The following NXF1 variants were observed in gnomAD, a reference collection of about 807,000 sequenced individuals.
NXF1 encodes mRNA export factor TAP.
In NXF1, 43 loss-of-function variants were observed where a neutral mutation model predicts 92.4. The observed-to-expected ratio is 0.47, with a 90% confidence interval of 0.36 to 0.60. The LOEUF (loss-of-function observed/expected upper bound fraction) is 0.60, where lower values mean the gene tolerates loss of function less well. Among genes scored for constraint, NXF1 ranks in the 20% least tolerant of loss-of-function variants. NXF1 has a pLI of 0.00. For synonymous variants in NXF1, 288 were observed against 292.2 expected (o/e 0.99, Z 0.15); for missense variants, 576 against 793.0 (o/e 0.73, Z 3.29).
In NXF1 at chr11:62,800,377, C is replaced by G; in HGVS notation, c.1016G>C (p.Ser339Thr). 6.2e-7 allele frequency: 1 copy of G among 1,614,070 alleles called. No individual in the cohort carries two copies. The highest frequency in any genetic ancestry group is 8.5e-7 in the Non-Finnish European group (1 of 1,179,972). The change falls in exon 10 of 21, where the codon AGC (serine) becomes ACC (threonine). Residue 339 changes from serine to threonine, a missense_variant and splice_region_variant. This residue lies in a region of NXF1 where 425 missense variants were observed against 635.2 expected (regional missense o/e 0.67). Coordinates refer to ENST00000294172, the MANE Select transcript of NXF1 (RefSeq NM_006362.5). ...AGGGGAGACACAGGCTACAACTGAC[C>G]TGATGTAGGTGGACTGGTCTCGGAA... ...DTFRDQSTYI[S>T]AIRERFPKLL...
chr11:62,803,322 A>G (rs1262648495), intron 3 of NXF1, 97 bp downstream of exon 3: 2 of 1,053,562 alleles, frequency 1.9e-6, no homozygotes, highest in Non-Finnish European at 2.7e-6. Context: ...TTTAAAAAAA[A>G]TAATAATAAT....
chr11:62,797,078 A>C, intron 13 of NXF1, 105 bp downstream of exon 13: 5 of 1,094,840 alleles, frequency 4.6e-6, no homozygotes, highest in Admixed American at 2.3e-5. Flanking sequence ...AAAAAAAAAA[A>C]AAAAACAAAA....
At chr11:62,799,812 G>C in intron 10 of NXF1, 2 of 986,184 alleles carry the variant, frequency 2.0e-6, no homozygotes, top group Non-Finnish European at 2.4e-6. Flanking sequence ...CTGGGCAAGA[G>C]AGACAGATTG....
chr11:62,800,280 C>A (rs745675525), intron 10 of NXF1, 97 bp downstream of exon 10: 12 of 1,578,426 alleles, frequency 7.6e-6, no homozygotes, highest in Non-Finnish European at 8.6e-6. Context: ...CAGCTCAGGG[C>A]TGCACATCTC....
At chr11:62,801,702 G>A in intron 6 of NXF1, 37 bp downstream of exon 6, 1 of 1,609,772 alleles carries the variant, frequency 6.2e-7, no homozygotes, top group Non-Finnish European at 8.5e-7. Context: ...GAAGTAGTAA[G>A]ACTGGGTTGG....
chr11:62,794,803 C>T, intron 18 of NXF1, 132 bp downstream of exon 18: 1 of 808,736 alleles, frequency 1.2e-6, no homozygotes, highest in East Asian at 2.6e-5. Context: ...TGGCTCTTAA[C>T]TACTATGTGA....
intron 2 of NXF1, 51 bp from the exon 3 acceptor site, chr11:62,803,623 C>T (rs1372327932): frequency 1.2e-6 from 2 of 1,606,144 alleles, no homozygotes; most frequent in East Asian, 4.5e-5. Context: ...AAAGTCTTCT[C>T]AAAGGCCTTC....
At chr11:62,798,692 C>A in intron 10 of NXF1, 117 bp from the exon 11 acceptor site, 1 of 1,539,984 alleles carries the variant, frequency 6.5e-7, no homozygotes, top group South Asian at 1.2e-5. Flanking sequence ...CTCATCCCTC[C>A]ACTCCCTCCC....
chr11:62,796,394 C>T, intron 14 of NXF1, 49 bp from the exon 15 acceptor site: 1 of 1,613,002 alleles, frequency 6.2e-7, no homozygotes. Context: ...GTGCTGCCAG[C>T]AGGTGTGCCC....
Position 62,800,101 on chromosome 11 carries a change from G to A in NXF1, c.1016+276C>T, listed in dbSNP as rs1035540673. On this transcript the variant is annotated intron_variant, in intron 10 of 20. Transcript: ENST00000294172. ...GGAGATGCCTTTCCTGGAACAACAG[G>A]GTAGGGAGATTCTAGAAAAGGTTGT... 7 of 1,308,008 alleles carry A rather than the reference G, an allele frequency of 5.4e-6. 1 individual carries two copies. In the Middle Eastern group the frequency reaches 1.5e-3, roughly 277 times the overall value. 81.0% of individuals were successfully genotyped at this position (1,308,008 alleles called of 1,614,324 possible). A position where few individuals can be genotyped will look rare whatever the true frequency, so the allele number is the denominator to read the frequency against.
At chr11:62,798,424 C>A (rs2084443194) in intron 11 of NXF1, 115 bp downstream of exon 11, 2 of 1,436,652 alleles carry the variant, frequency 1.4e-6, no homozygotes. Context: ...ACGAGTGAAA[C>A]TCCGTCTCAA....
At position 62,796,139 on chromosome 11, in the gene NXF1, A is replaced by G; in HGVS notation, c.1388T>C (p.Val463Ala). The change falls in exon 16 of 21, where the codon GTT becomes GCT. Residue 463 changes from valine (V) to alanine (A), a missense_variant. Physicochemically the swap from Val to Ala is moderately conservative, Grantham distance 64. Coordinates refer to ENST00000294172, the MANE Select transcript of NXF1 (RefSeq NM_006362.5). ...RLLKHTRLNV[V>A]AFLNELPKTQ... Reference sequence around the variant, plus strand: ...TTTGGGCAACTCATTGAGGAAGGCAACAACGTTGAGACGCGTGTGCTTCAG... The same window carrying G: ...TTTGGGCAACTCATTGAGGAAGGCAGCAACGTTGAGACGCGTGTGCTTCAG... 1 of 1,614,146 alleles carries G rather than the reference A, an allele frequency of 6.2e-7. No individual in the cohort carries two copies. Among genetic ancestry groups the G allele is most frequent in the Non-Finnish European group, 8.5e-7 (1 of 1,180,024 alleles).
At chr11:62,797,026 C>T (rs540870744) in intron 13 of NXF1, 157 bp downstream of exon 13, 18 of 670,472 alleles carry the variant, frequency 2.7e-5, no homozygotes, top group Non-Finnish European at 4.0e-5. Flanking sequence ...CAAGATCACA[C>T]CATTGCACTC....
intron 17 of NXF1, chr11:62,795,524 C>T: frequency 3.5e-6 from 1 of 286,316 alleles, no homozygotes. Flanking sequence ...TATGCCAGGC[C>T]CCAGGCCAAG....
intron 13 of NXF1, 179 bp downstream of exon 13, chr11:62,797,004 G>A (rs1249639866): frequency 6.6e-6 from 4 of 606,728 alleles, no homozygotes; most frequent in African/African-American, 5.8e-5. Context: ...GGAGGCAGAG[G>A]TTGCAGTGAG....
In NXF1 at chr11:62,797,053, G is replaced by A. The variant is rs542484594; in HGVS notation, c.1178+130C>T. 5 of 790,346 alleles carry A rather than the reference G, an allele frequency of 6.3e-6. No homozygotes were observed. The East Asian group carries it at 1.4e-4, about 22-fold the overall frequency. The allele number at this position is 790,346 out of a possible 1,614,324, so 49.0% of individuals were successfully genotyped here. A position where few individuals can be genotyped will look rare whatever the true frequency, so the allele number is the denominator to read the frequency against. Reference sequence around the variant, plus strand: ...ATTGCACTCCAGCCTGGGTGACACAGTGAGACACTGTCCAAAAAAAAAAAA... The same window carrying A: ...ATTGCACTCCAGCCTGGGTGACACAATGAGACACTGTCCAAAAAAAAAAAA... On this transcript the variant is annotated intron_variant, in intron 13 of 20. Transcript: ENST00000294172.
chr11:62,798,146 G>C (rs61893770), intron 11 of NXF1, among the ~76,000 whole-genome samples: 2 of 149,302 alleles, frequency 1.3e-5, no homozygotes, highest in Admixed American at 1.3e-4. Context: ...AAAAAAAAGG[G>C]CCTGGTGCGA....
At position 62,805,405 on chromosome 11, in the gene NXF1, C is replaced by T. The variant is rs367896170; in HGVS notation, c.-49G>A. On this transcript the variant is annotated 5_prime_UTR_variant, in exon 1 of 21. Coordinates refer to ENST00000294172, the MANE Select transcript of NXF1 (RefSeq NM_006362.5). Reference sequence around the variant, plus strand: ...GCTCAGGCGCTGGCCGCTACGCCGGCAAACAACCTAACTCCCAAGCGCTCA... The same window carrying T: ...GCTCAGGCGCTGGCCGCTACGCCGGTAAACAACCTAACTCCCAAGCGCTCA... 1.2e-6 allele frequency: 2 copies of T among 1,607,090 alleles called. No individual in the cohort carries two copies. Among genetic ancestry groups the T allele is most frequent in the East Asian group, 2.3e-5 (1 of 44,428 alleles).
chr11:62,802,275 A>C lies in NXF1; in HGVS notation c.370-15T>G, dbSNP rs2084487883. Reference sequence around the variant, plus strand: ...CCATAAGGAATCTAGAAATGAGAGAAAGAGAAAAGAAGGGAATGATAAGTA... The same window carrying C: ...CCATAAGGAATCTAGAAATGAGAGACAGAGAAAAGAAGGGAATGATAAGTA... On this transcript the variant is annotated splice_polypyrimidine_tract_variant and intron_variant, in intron 3 of 20. Coordinates refer to ENST00000294172, the MANE Select transcript of NXF1 (RefSeq NM_006362.5). The C allele has an allele frequency of 6.2e-7, 1 of 1,605,510 alleles. No individual in the cohort carries two copies.
Sources: gnomAD v4.1 joint callset for allele counts (sites outside exome capture counted in the v4.1 genomes callset) on GRCh38, gnomAD v4.1.1 for gene constraint, gnomAD v4.1.1 regional missense constraint, MANE v1.5 for transcripts, NCBI Gene and HGNC (gene_info 2026-07-23, HGNC 2026-07-21) for gene names.